The following RNF144A variants were observed in gnomAD, a reference collection of about 807,000 sequenced individuals.
RNF144A encodes the protein ring finger protein 144A.
RNF144A carries 11 observed loss-of-function variants against 38.7 expected under a neutral mutation model. The ratio of observed to expected loss-of-function variants is 0.28; its 90% CI spans 0.18 to 0.47. The LOEUF is 0.47. Ranked by LOEUF, RNF144A falls within the 20% of genes least tolerant of loss-of-function variation. The pLI is 0.99. For missense variants in RNF144A, 316 were observed against 377.2 expected (o/e 0.84, Z 1.34); for synonymous variants, 149 against 143.9 (o/e 1.04, Z -0.25).
chr2:6,925,144 ACT>A (rs1167433730), intron 1 of RNF144A, among the ~76,000 whole-genome samples: 1 of 152,060 alleles, frequency 6.6e-6, no homozygotes, highest in African/African-American at 2.4e-5. Flanking sequence ...TTAGATCTGA[ACT>A]CTCTTGACTA....
chr2:6,936,748 T>C (rs1284531747), intron 1 of RNF144A, among the ~76,000 whole-genome samples: 1 of 152,112 alleles, frequency 6.6e-6, no homozygotes, highest in East Asian at 1.9e-4. Flanking sequence ...GTAAATTAAT[T>C]AATTGTATTG....
At chr2:7,047,817 C>A (rs1175632904), downstream of RNF144A, among the ~76,000 whole-genome samples, 1 of 152,190 alleles carries the variant, frequency 6.6e-6, no homozygotes, top group African/African-American at 2.4e-5. Flanking sequence ...GTGTTTCATG[C>A]TCACAAAGCT....
intron 2 of RNF144A, among the ~76,000 whole-genome samples, chr2:6,957,612 A>G (rs1667092021): frequency 1.3e-5 from 2 of 152,002 alleles, no homozygotes; most frequent in South Asian, 2.1e-4. Context: ...CCTCCAAGCA[A>G]CTCTGCACAC....
intron 3 of RNF144A, among the ~76,000 whole-genome samples, chr2:7,008,218 T>C (rs1346279202): frequency 6.6e-6 from 1 of 152,204 alleles, no homozygotes; most frequent in Non-Finnish European, 1.5e-5. Flanking sequence ...CAGGCAACTG[T>C]GAGAACAAAG....
chr2:6,928,757 C>T (rs1317335998), intron 1 of RNF144A, among the ~76,000 whole-genome samples: 2 of 152,204 alleles, frequency 1.3e-5, no homozygotes, highest in Non-Finnish European at 2.9e-5. Flanking sequence ...GCTCCAAGGC[C>T]TCCTATCACC....
At chr2:7,032,863 C>T (rs565165333) in intron 8 of RNF144A, among the ~76,000 whole-genome samples, 3 of 152,336 alleles carry the variant, frequency 2.0e-5, no homozygotes, top group South Asian at 2.1e-4. Flanking sequence ...CCTACACCCC[C>T]CTCCCCACGC....
Position 7,060,747 on chromosome 2 carries a change from C to T in RNF144A, c.735-7469C>T, listed in dbSNP as rs538196382. Among the ~76,000 whole-genome samples, 4 of 152,354 alleles carry T rather than the reference C, an allele frequency of 2.6e-5. No individual in the cohort carries two copies. The East Asian group carries it at 5.8e-4, about 22-fold the overall frequency. On this transcript the variant is annotated intron_variant, in intron 6 of 6. Coordinates refer to the RNF144A transcript ENST00000432850. ...AATTTATAACCTCTTCTGAGACCCA[C>T]TCAGATGCCCCATCTTACATAGAGC...
At chr2:7,030,021 C>T (rs1672173342) in intron 7 of RNF144A, 105 bp from the exon 8 acceptor site, 1 of 816,342 alleles carries the variant, frequency 1.2e-6, no homozygotes, top group African/African-American at 1.7e-5. Flanking sequence ...CCTCATGTCT[C>T]CACTTATCAT....
intron 2 of RNF144A, among the ~76,000 whole-genome samples, chr2:6,995,749 G>A (rs573898261): frequency 1.5e-4 from 23 of 152,320 alleles, no homozygotes; most frequent in African/African-American, 5.1e-4. Flanking sequence ...CTGGCTGAGG[G>A]TGGGTCGGCC....
Position 7,042,464 on chromosome 2 carries a change from A to T in RNF144A, c.*2704A>T. 2 of 985,512 alleles carry T rather than the reference A, an allele frequency of 2.0e-6. No homozygotes were observed. The highest frequency in any genetic ancestry group is 2.4e-6 in the Non-Finnish European group (2 of 829,964). 61.0% of individuals were successfully genotyped at this position (985,512 alleles called of 1,614,324 possible). On this transcript the variant is annotated 3_prime_UTR_variant, in exon 9 of 9. Transcript: ENST00000320892. Reference sequence around the variant, plus strand: ...GCATGTGTTCACTAAGAGGCCTTTAATCCTGGGGAGTAAGGGGCGAAGGCC... The same window carrying T: ...GCATGTGTTCACTAAGAGGCCTTTATTCCTGGGGAGTAAGGGGCGAAGGCC...
chr2:7,035,555 T>C (rs947647762), intron 8 of RNF144A, among the ~76,000 whole-genome samples: 5 of 152,214 alleles, frequency 3.3e-5, no homozygotes, highest in Non-Finnish European at 7.3e-5. Context: ...TCAGGTTTCA[T>C]TGGCTCCCTG....
chr2:7,057,667 A>G (rs1673791179), intron 6 of RNF144A, among the ~76,000 whole-genome samples: 1 of 152,216 alleles, frequency 6.6e-6, no homozygotes, highest in African/African-American at 2.4e-5. Flanking sequence ...CATCATGTGG[A>G]GATTGGAGTT....
At chr2:7,070,164 C>CTCTT (rs67257897), downstream of RNF144A, among the ~76,000 whole-genome samples, 63 of 151,910 alleles carry the variant, frequency 4.1e-4, no homozygotes, top group Admixed American at 2.1e-3. Context: ...TCTTCTCTCT[C>CTCTT]TCTCTTTATT....
chr2:7,063,588 A>C (rs1558471553), intron 6 of RNF144A, among the ~76,000 whole-genome samples: 1 of 152,130 alleles, frequency 6.6e-6, no homozygotes, highest in Non-Finnish European at 1.5e-5. Context: ...TGTTTGAGAG[A>C]GAGAGTTATA....
chr2:6,996,557 A>T (rs748652685), intron 2 of RNF144A, among the ~76,000 whole-genome samples: 1 of 152,168 alleles, frequency 6.6e-6, no homozygotes, highest in Non-Finnish European at 1.5e-5. Flanking sequence ...GATCGAGACC[A>T]TCCTGGCTAA....
chr2:7,019,935 G>T (rs1387593859), intron 5 of RNF144A, among the ~76,000 whole-genome samples: 1 of 152,204 alleles, frequency 6.6e-6, no homozygotes, highest in Non-Finnish European at 1.5e-5. Flanking sequence ...TTAGGCAGGT[G>T]AACCATTTGG....
At chr2:6,981,884 G>T (rs1466379697) in intron 2 of RNF144A, among the ~76,000 whole-genome samples, 6 of 152,180 alleles carry the variant, frequency 3.9e-5, no homozygotes, top group South Asian at 4.1e-4. Flanking sequence ...GAAGAAAAAA[G>T]ATTTAATTGA....
chr2:7,014,502 G>A lies in RNF144A; in HGVS notation c.184G>A (p.Ala62Thr), dbSNP rs201053961. 6.0e-5 allele frequency: 97 copies of A among 1,610,958 alleles called. No homozygotes were observed. Among genetic ancestry groups the A allele is most frequent in the South Asian group, 2.0e-4 (18 of 90,382 alleles). The change falls in exon 4 of 9, where the codon GCA (alanine) becomes ACA (threonine). Residue 62 changes from alanine (A) to threonine (T), a missense_variant. Coordinates refer to ENST00000320892, the MANE Select transcript of RNF144A (RefSeq NM_014746.6). ...ELLIKEGLET[A>T]ISCPDAACPK... is the part of the protein sequence containing the mutation. ...CTTGATCAAAGAAGGATTAGAAACC[G>A]CAATTAGCTGCCCAGATGCTGCCTG...
intron 6 of RNF144A, among the ~76,000 whole-genome samples, chr2:7,065,497 G>C (rs1406323758): frequency 6.6e-6 from 1 of 152,210 alleles, no homozygotes; most frequent in Non-Finnish European, 1.5e-5. Flanking sequence ...ATCTTTTGCT[G>C]CCAAAACTGG....
Sources: allele counts gnomAD v4.1 joint callset (sites outside exome capture counted in the v4.1 genomes callset), GRCh38; gene constraint gnomAD v4.1.1; transcripts MANE v1.5; gene names NCBI Gene and HGNC (gene_info 2026-07-23, HGNC 2026-07-21).